The following ATXN7 variants were observed in gnomAD, a reference collection of about 807,000 sequenced individuals.
ATXN7 encodes ataxin-7.
A neutral mutation model predicts 70.5 loss-of-function variants in ATXN7; 12 were observed. The observed-to-expected ratio is 0.17, with a 90% CI of 0.11 to 0.28. The LOEUF is 0.28. Among genes scored for constraint, ATXN7 ranks in the 10% least tolerant of loss-of-function variants. ATXN7 has a pLI of 1.00. For missense variants in ATXN7, 1,256 were observed against 1,131.7 expected (o/e 1.11, Z -1.58); for synonymous variants, 498 against 448.7 (o/e 1.11, Z -1.39).
In ATXN7 at chr3:63,996,443, C is replaced by A; in HGVS notation, c.2621C>A (p.Pro874Gln). Residue 874 changes from proline to glutamine, a missense_variant, in exon 12 of 13, where the codon CCA becomes CAA. Coordinates refer to ENST00000674280, the MANE Select transcript of ATXN7 (RefSeq NM_001377405.1). ...NVHMKHTGTI[P>Q]GAQGLMNSSL... ...CACATGAAACACACAGGCACCATCC[C>A]AGGGGCACAAGGACTGATGAACAGT... 6.2e-7 allele frequency: 1 copy of A among 1,614,148 alleles called. No homozygotes were observed. The highest frequency in any genetic ancestry group is 8.5e-7 in the Non-Finnish European group (1 of 1,180,026).
intron 1 of ATXN7, chr3:63,867,120 A>G (rs1375119683): frequency 1.3e-5 from 2 of 152,164 alleles, no homozygotes; most frequent in Non-Finnish European, 2.9e-5. Flanking sequence ...CTATGCTTTT[A>G]GAGCAAGAGT....
chr3:63,937,805 G>C (rs1461788034), intron 4 of ATXN7, among the ~76,000 whole-genome samples: 1 of 152,156 alleles, frequency 6.6e-6, no homozygotes. Context: ...CTTGTCAGCT[G>C]TGTGATCTTG....
intron 12 of ATXN7, among the ~76,000 whole-genome samples, chr3:63,997,280 C>T (rs2075776452): frequency 6.6e-6 from 1 of 152,214 alleles, no homozygotes; most frequent in Middle Eastern, 3.4e-3. Flanking sequence ...ATTATTTTTC[C>T]CTCTCAAAAG....
At chr3:63,872,226 A>G (rs78337313) in intron 1 of ATXN7, among the ~76,000 whole-genome samples, 4,712 of 152,348 alleles carry the variant, frequency 0.031, 133 homozygotes, top group Non-Finnish European at 0.049. Flanking sequence ...ACTATAAAAT[A>G]TAGAAATATT....
At chr3:63,919,108 T>A (rs150558429) in intron 4 of ATXN7, among the ~76,000 whole-genome samples, 2 of 152,324 alleles carry the variant, frequency 1.3e-5, no homozygotes, top group African/African-American at 4.8e-5. Context: ...GCATGGTTTT[T>A]GCATTGCATT....
intron 5 of ATXN7, among the ~76,000 whole-genome samples, chr3:63,966,832 G>GA (rs2075232086): frequency 6.6e-6 from 1 of 152,202 alleles, no homozygotes. Context: ...TTCTGTAGAA[G>GA]AATCTTTTGC....
intron 11 of ATXN7, among the ~76,000 whole-genome samples, chr3:63,994,652 A>G (rs886523846): frequency 6.6e-6 from 1 of 152,236 alleles, no homozygotes; most frequent in Non-Finnish European, 1.5e-5. Flanking sequence ...CAGCTCTCTC[A>G]CTGGGGTAGT....
chr3:63,877,885 A>G (rs992135560), intron 1 of ATXN7, among the ~76,000 whole-genome samples: 1 of 152,236 alleles, frequency 6.6e-6, no homozygotes, highest in Non-Finnish European at 1.5e-5. Context: ...AAAAATCCAG[A>G]GAAGGAGCTC....
At chr3:63,997,064 C>G (rs1196735302) in intron 12 of ATXN7, among the ~76,000 whole-genome samples, 2 of 152,172 alleles carry the variant, frequency 1.3e-5, no homozygotes, top group African/African-American at 4.8e-5. Context: ...CAAGACCAGC[C>G]TGGCCAACAT....
chr3:63,878,841 G>A (rs1186936419), intron 1 of ATXN7, among the ~76,000 whole-genome samples: 1 of 152,154 alleles, frequency 6.6e-6, no homozygotes, highest in African/African-American at 2.4e-5. Flanking sequence ...AGAAAAGGGA[G>A]CCCAGAGCAG....
intron 5 of ATXN7, among the ~76,000 whole-genome samples, chr3:63,961,358 A>G (rs1478156529): frequency 6.6e-6 from 1 of 152,174 alleles, no homozygotes; most frequent in Non-Finnish European, 1.5e-5. Flanking sequence ...GTTGATGGAC[A>G]CTTAGATCTT....
At chr3:63,949,759 CAG>C (rs1208313019) in intron 4 of ATXN7, among the ~76,000 whole-genome samples, 1 of 152,108 alleles carries the variant, frequency 6.6e-6, no homozygotes, top group African/African-American at 2.4e-5. Context: ...TTTCTTCCCA[CAG>C]AGGGGGTGTG....
At chr3:63,994,337 C>T (rs1160600151) in intron 11 of ATXN7, among the ~76,000 whole-genome samples, 4 of 152,136 alleles carry the variant, frequency 2.6e-5, no homozygotes, top group African/African-American at 4.8e-5. Context: ...CCGGTTCAAG[C>T]GATTCTCCTG....
At chr3:63,930,994 G>A (rs1213757911) in intron 4 of ATXN7, among the ~76,000 whole-genome samples, 2 of 152,192 alleles carry the variant, frequency 1.3e-5, no homozygotes, top group Non-Finnish European at 2.9e-5. Flanking sequence ...TGGCTTGGGA[G>A]AGTAGAATGA....
At chr3:63,966,337 G>C (rs1005088892) in intron 5 of ATXN7, among the ~76,000 whole-genome samples, 2 of 152,116 alleles carry the variant, frequency 1.3e-5, no homozygotes, top group Non-Finnish European at 2.9e-5. Flanking sequence ...ACAATACTAA[G>C]ACCTGTGGCA....
intron 1 of ATXN7, among the ~76,000 whole-genome samples, chr3:63,872,676 A>G (rs1482289966): frequency 6.6e-6 from 1 of 152,232 alleles, no homozygotes; most frequent in Non-Finnish European, 1.5e-5. Context: ...GTCATATTGC[A>G]CAGGATAGCC....
At position 64,002,451 on chromosome 3, in the gene ATXN7, C is replaced by T. The variant is rs1365756890; in HGVS notation, c.*2984C>T. The T allele has an allele frequency of 2.0e-5, 3 of 152,318 alleles. No individual in the cohort carries two copies. The highest frequency in any genetic ancestry group is 1.3e-4 in the Admixed American group (2 of 15,250). 9.4% of individuals were successfully genotyped at this position (152,318 alleles called of 1,614,324 possible). On this transcript the variant is annotated 3_prime_UTR_variant, in exon 13 of 13. Coordinates refer to ENST00000674280, the MANE Select transcript of ATXN7 (RefSeq NM_001377405.1). ...ATAGACTACATGTAACTAAGTGACA[C>T]ACTGCTTTTCTTTTGTTAGTATTTT...
upstream of ATXN7, chr3:63,863,833 G>A (rs1702310742): frequency 2.5e-6 from 3 of 1,212,490 alleles, no homozygotes; most frequent in Middle Eastern, 3.2e-4. Flanking sequence ...CGCAAGCTGA[G>A]GCGGCGGTTG....
chr3:63,979,281 G>A (rs962554260), intron 5 of ATXN7, among the ~76,000 whole-genome samples: 5 of 152,200 alleles, frequency 3.3e-5, no homozygotes, highest in African/African-American at 9.6e-5. Flanking sequence ...GGTGTGAACC[G>A]GAGCTATGCC....
Sources: allele counts gnomAD v4.1 joint callset (sites outside exome capture counted in the v4.1 genomes callset), GRCh38; gene constraint gnomAD v4.1.1; transcripts MANE v1.5; gene names NCBI Gene and HGNC (gene_info 2026-07-23, HGNC 2026-07-21).